DLX2: variants seen among roughly 807,000 people sequenced by gnomAD.
DLX2 encodes homeobox protein DLX-2.
In DLX2, 8 loss-of-function variants were observed where a neutral mutation model predicts 27.4. That is an observed-to-expected ratio of 0.29 (90% CI 0.17 to 0.53). DLX2 has a LOEUF of 0.53. Ranked by LOEUF, DLX2 falls within the 20% of genes least tolerant of loss-of-function variation. DLX2 has a pLI of 0.96. For missense variants in DLX2, 421 were observed against 450.9 expected (o/e 0.93, Z 0.60); for synonymous variants, 210 against 200.8 (o/e 1.05, Z -0.39).
At position 172,102,428 on chromosome 2, in the gene DLX2, C is replaced by T. The variant is rs1356775778; in HGVS notation, c.111G>A (p.Pro37=). 1 of 1,548,602 alleles carries T rather than the reference C, an allele frequency of 6.5e-7. No homozygotes were observed. The change falls in exon 1 of 3, where the codon CCG becomes CCA. Residue 37 remains proline (P), a synonymous_variant. Transcript: ENST00000234198. ...TGCTGCTGCTGCTGCTGTTGCCACCCGGGCCGGCGCCGCCGCCGCTCGGGG... is the reference window on the plus strand; with the variant it reads ...TGCTGCTGCTGCTGCTGTTGCCACCTGGGCCGGCGCCGCCGCCGCTCGGGG... ...QQPPSGGGAG[P]GGNSSSSSSL...
Position 172,100,554 on chromosome 2 carries a change from TC to T in DLX2, c.975del (p.Thr326ArgfsTer134). The T allele has an allele frequency of 1.3e-6, 2 of 1,575,540 alleles. No individual in the cohort carries two copies. Among genetic ancestry groups the T allele is most frequent in the Admixed American group, 3.7e-5 (2 of 53,992 alleles). The stretch of plus-strand genomic sequence containing the variant: ...AGTTCTCCCTGGGGTTAGAAAATCG[TC>T]CCCGCGCTCACCGGGGCGCCCCCGC... ...HGGGGAPVSA[G>X]TIF On this transcript the variant is annotated frameshift_variant, in exon 3 of 3. Transcript: ENST00000234198. LOFTEE classifies it high-confidence loss of function. The surrounding 1 kb of genome is among the most constrained non-coding windows in gnomAD (Gnocchi z 4.5).
In DLX2 at chr2:172,102,150, T is replaced by C. The variant is rs766299353; in HGVS notation, c.389A>G (p.Asn130Ser). 1 of 1,613,588 alleles carries C rather than the reference T, an allele frequency of 6.2e-7. No homozygotes were observed. Among genetic ancestry groups the C allele is most frequent in the East Asian group, 2.2e-5 (1 of 44,876 alleles). The change falls in exon 1 of 3, where the codon AAC becomes AGC. Residue 130 changes from asparagine (N) to serine (S), a missense_variant. Around this residue, in one of 5 missense-constraint regions of DLX2, gnomAD observed 141 missense variants for 123.5 expected, o/e 1.14. Coordinates refer to ENST00000234198, the MANE Select transcript of DLX2 (RefSeq NM_004405.4). ...APYGTSSSPA[N>S]NEPEKEDLEP... ...AGCGTTATGCATACCAGGCTCGTTG[T>C]TGGCTGGGGACGAACTGGTTCCATA...
rs1691116089 is a variant in DLX2, at chr2:172,099,605, T to A, written c.*938A>T. The A allele has an allele frequency of 6.6e-6, 1 of 152,600 alleles. No individual in the cohort carries two copies. Among genetic ancestry groups the A allele is most frequent in the Admixed American group, 6.5e-5 (1 of 15,282 alleles). The allele number at this position is 152,600 out of a possible 1,614,324, so 9.5% of individuals were successfully genotyped here. A position where few individuals can be genotyped will look rare whatever the true frequency, so the allele number is the denominator to read the frequency against. On this transcript the variant is annotated 3_prime_UTR_variant, in exon 3 of 3. Coordinates refer to ENST00000234198, the MANE Select transcript of DLX2 (RefSeq NM_004405.4). ...AATCAGTAGCTTAATTTAACTGAAA[T>A]GTTTTTAAAGGAAAAAATAAAAAGG...
intron 1 of DLX2, 101 bp from the exon 2 acceptor site, chr2:172,101,747 G>T: frequency 7.7e-7 from 1 of 1,299,474 alleles, no homozygotes; most frequent in Non-Finnish European, 1.1e-6. Flanking sequence ...GAGCAAAGAG[G>T]TGGGTGCACT....
chr2:172,101,794 G>A (rs577306942), intron 1 of DLX2, 148 bp from the exon 2 acceptor site: 2 of 957,470 alleles, frequency 2.1e-6, no homozygotes, highest in African/African-American at 1.6e-5. Flanking sequence ...ACTTCGCAGC[G>A]TGCGATCGGA....
rs1289463947 is a variant in DLX2, at chr2:172,102,353, G to A, written c.186C>T (p.Thr62=). The A allele has an allele frequency of 1.9e-6, 3 of 1,583,840 alleles. No individual in the cohort carries two copies. Among genetic ancestry groups the A allele is most frequent in the South Asian group, 1.1e-5 (1 of 88,188 alleles). The part of the protein sequence containing the change: ...ESPTLPVSTA[T]DSSYYTNQQH... ...GCTGGTTGGTGTAGTAGCTGCTGTC[G>A]GTGGCGGTGGACACCGGAAGGGTGG... Residue 62 remains threonine, a synonymous_variant, in exon 1 of 3, where the codon ACC becomes ACT. Transcript: ENST00000234198.
At position 172,102,777 on chromosome 2, in the gene DLX2, T is replaced by G; in HGVS notation, c.-239A>C. The G allele has an allele frequency of 2.2e-4, 47 of 216,668 alleles. No individual in the cohort carries two copies. The highest frequency in any genetic ancestry group is 7.8e-4 in the East Asian group (5 of 6,404). 13.4% of individuals were successfully genotyped at this position (216,668 alleles called of 1,614,324 possible). On this transcript the variant is annotated 5_prime_UTR_variant, in exon 1 of 3. Transcript: ENST00000234198. ...CGGCCTCTGGGCCCGCTCGGCTCCT[T>G]GCCCAGCGCGAGCGCGGGCTCTGGC... is the stretch of plus-strand genomic sequence containing the variant.
chr2:172,102,108 T>A (rs1370797125), intron 1 of DLX2, 31 bp downstream of exon 1: 3 of 1,598,800 alleles, frequency 1.9e-6, no homozygotes, highest in Non-Finnish European at 2.6e-6. Flanking sequence ...CTAGACCGAC[T>A]CGGCACTCTT....
Position 172,102,484 on chromosome 2 carries a change from C to A in DLX2, c.55G>T (p.Ala19Ser), listed in dbSNP as rs1328713997. The A allele has an allele frequency of 6.5e-7, 1 of 1,549,150 alleles. No homozygotes were observed. Among genetic ancestry groups the A allele is most frequent in the East Asian group, 2.4e-5 (1 of 40,888 alleles). ...VADMHSTQIA[A>S]SSTYHQHQQP... ...TGGTGCTGGTGGTACGTGCTGGAGG[C>A]GGCGATCTGGGTCGAGTGCATATCA... The change falls in exon 1 of 3, where the codon GCC (alanine) becomes TCC (serine). Residue 19 changes from alanine (A) to serine (S), a missense_variant. Ala to Ser is a moderately conservative substitution (Grantham distance 99). This residue lies in a region of DLX2 where 53 missense variants were observed against 59.5 expected (regional missense o/e 0.89). Transcript: ENST00000234198.
intron 2 of DLX2, 147 bp from the exon 3 acceptor site, chr2:172,101,091 C>A: frequency 1.1e-6 from 1 of 878,170 alleles, no homozygotes; most frequent in Non-Finnish European, 1.7e-6. Flanking sequence ...TCACGGGCGG[C>A]GGCCTTCGAG....
chr2:172,100,875 C>T lies in DLX2; in HGVS notation c.655G>A (p.Glu219Lys). The change falls in exon 3 of 3, where the codon GAG becomes AAG. Residue 219 changes from glutamate to lysine, a missense_variant. Physicochemically the swap from Glu to Lys is moderately conservative, Grantham distance 56 (BLOSUM62 1). Coordinates refer to ENST00000234198, the MANE Select transcript of DLX2 (RefSeq NM_004405.4). This position sits in a 1 kb window ranked among gnomAD's most constrained non-coding sequence, Gnocchi z 4.5. Reference sequence around the variant, plus strand: ...GAAGCGCTGGCCCCAGGGTGCTGCTCCGAGGGGATCTCACCACTTTTCCAC... The same window carrying T: ...GAAGCGCTGGCCCCAGGGTGCTGCTTCGAGGGGATCTCACCACTTTTCCAC... ...KMWKSGEIPSEQHPGASASPP... is the reference protein window; with the variant it reads ...KMWKSGEIPSKQHPGASASPP... 6.2e-7 allele frequency: 1 copy of T among 1,612,970 alleles called. No homozygotes were observed. The highest frequency in any genetic ancestry group is 8.5e-7 in the Non-Finnish European group (1 of 1,179,906).
Position 172,100,787 on chromosome 2 carries a change from C to G in DLX2, c.743G>C (p.Arg248Pro), listed in dbSNP as rs765688493. The G allele has an allele frequency of 2.5e-6, 4 of 1,592,936 alleles. No individual in the cohort carries two copies. The highest frequency in any genetic ancestry group is 1.3e-5 in the African/African-American group (1 of 74,220). The change falls in exon 3 of 3, where the codon CGG (arginine) becomes CCG (proline). Residue 248 changes from arginine (R) to proline (P), a missense_variant. By Grantham distance (103) the Arg-to-Pro change is moderately radical. Around this residue, in one of 5 missense-constraint regions of DLX2, gnomAD observed 185 missense variants for 171.1 expected, o/e 1.08. Transcript: ENST00000234198. This position sits in a 1 kb window ranked among gnomAD's most constrained non-coding sequence, Gnocchi z 4.5. ...PASWDFGVPQ[R>P]MAGGGGPGSG... is the part of the protein sequence containing the mutation. ...GCCCGGACCACCGCCGCCCGCCATC[C>G]GCTGCGGCACACCAAAGTCCCAGGA...
Position 172,102,515 on chromosome 2 carries a change from T to C in DLX2, c.24A>G (p.Leu8=), listed in dbSNP as rs1381627432. MTGVFDS[L]VADMHSTQIA... is the part of the protein sequence containing the mutation. ...TCTGGGTCGAGTGCATATCAGCCAC[T>C]AGACTGTCAAAGACTCCAGTCATCC... is the stretch of plus-strand genomic sequence containing the variant. Residue 8 remains leucine, a synonymous_variant, in exon 1 of 3, where the codon CTA becomes CTG. Coordinates refer to ENST00000234198, the MANE Select transcript of DLX2 (RefSeq NM_004405.4). The C allele has an allele frequency of 1.9e-6, 3 of 1,545,940 alleles. No individual in the cohort carries two copies. Among genetic ancestry groups the C allele is most frequent in the Middle Eastern group, 2.2e-4 (1 of 4,516 alleles).
intron 1 of DLX2, 28 bp from the exon 2 acceptor site, chr2:172,101,674 G>A: frequency 6.2e-7 from 1 of 1,609,902 alleles, no homozygotes; most frequent in Non-Finnish European, 8.5e-7. Flanking sequence ...CGTAAGAACA[G>A]CGCAACCCAG....
Position 172,101,486 on chromosome 2 carries a change from G to A in DLX2, c.561C>T (p.Ala187=). ...LALPERAELA[A]SLGLTQTQVK... ...CCTGAGTCTGGGTGAGGCCCAGAGA[G>A]GCCGCCAGCTCGGCTCGCTCCGGCA... Residue 187 remains alanine (A), a synonymous_variant, in exon 2 of 3, where the codon GCC becomes GCT. Coordinates refer to ENST00000234198, the MANE Select transcript of DLX2 (RefSeq NM_004405.4). The A allele has an allele frequency of 6.2e-7, 1 of 1,609,514 alleles. No homozygotes were observed. The highest frequency in any genetic ancestry group is 8.5e-7 in the Non-Finnish European group (1 of 1,177,786).
chr2:172,101,237 G>T, intron 2 of DLX2: 1 of 624,600 alleles, frequency 1.6e-6, no homozygotes, highest in Non-Finnish European at 2.8e-6. Flanking sequence ...GTAGCGAGAG[G>T]TACGGGATTT....
chr2:172,102,892 C>A lies in DLX2; in HGVS notation c.-354G>T. The A allele has an allele frequency of 7.7e-6, 2 of 259,856 alleles. No homozygotes were observed. Among genetic ancestry groups the A allele is most frequent in the Non-Finnish European group, 1.4e-5 (2 of 138,458 alleles). The allele number at this position is 259,856 out of a possible 1,614,324, so 16.1% of individuals were successfully genotyped here. On this transcript the variant is annotated 5_prime_UTR_variant, in exon 1 of 3. Transcript: ENST00000234198. ...AGGTGAGCGGCCCCGAGCGGCTTTA[C>A]GATTGTCTGCCAGGCGGGCTCCTGA... is the stretch of plus-strand genomic sequence containing the variant.
Position 172,101,470 on chromosome 2 carries a change from G to C in DLX2, c.577C>G (p.Gln193Glu). Residue 193 changes from glutamine to glutamate, a missense_variant, in exon 2 of 3, where the codon CAG becomes GAG. Transcript: ENST00000234198. ...CAGGGCGCGAGCCCCACCTGAGTCT[G>C]GGTGAGGCCCAGAGAGGCCGCCAGC... The part of the protein sequence containing the change: ...AELAASLGLT[Q>E]TQVKIWFQNR... 1.2e-6 allele frequency: 2 copies of C among 1,602,438 alleles called. No homozygotes were observed. The highest frequency in any genetic ancestry group is 1.7e-6 in the Non-Finnish European group (2 of 1,174,294).
At position 172,102,451 on chromosome 2, in the gene DLX2, G is replaced by A. The variant is rs928131621; in HGVS notation, c.88C>T (p.Pro30Ser). 1.2e-5 allele frequency: 19 copies of A among 1,549,750 alleles called. No individual in the cohort carries two copies. Among genetic ancestry groups the A allele is most frequent in the Non-Finnish European group, 1.6e-5 (18 of 1,146,592 alleles). ...SSTYHQHQQP[P>S]SGGGAGPGGN... ...CCCGGGCCGGCGCCGCCGCCGCTCG[G>A]GGGCTGCTGGTGCTGGTGGTACGTG... The change falls in exon 1 of 3, where the codon CCG becomes TCG. Residue 30 changes from proline to serine, a missense_variant. This residue lies in a region of DLX2 where 53 missense variants were observed against 59.5 expected (regional missense o/e 0.89). Coordinates refer to ENST00000234198, the MANE Select transcript of DLX2 (RefSeq NM_004405.4).
Sources: gnomAD v4.1 joint callset for allele counts on GRCh38, gnomAD v4.1.1 for gene constraint, gnomAD v4.1.1 regional missense constraint, Gnocchi (gnomAD v3.1) non-coding constraint, MANE v1.5 for transcripts, NCBI Gene and HGNC (gene_info 2026-07-23, HGNC 2026-07-21) for gene names.